RANBP2: variants seen among roughly 807,000 people sequenced by gnomAD.
RANBP2 encodes the protein E3 SUMO-protein ligase RanBP2.
In RANBP2, 57 loss-of-function variants were observed where a neutral mutation model predicts 303.6. The ratio of observed to expected loss-of-function variants is 0.19; its 90% CI spans 0.15 to 0.23. The LOEUF (loss-of-function observed/expected upper bound fraction) is 0.23. RANBP2 is among the 10% of genes least tolerant of loss of function. RANBP2 has a pLI of 1.00. For synonymous variants in RANBP2, 1,167 were observed against 1,301.5 expected (o/e 0.90, Z 2.23); for missense variants, 3,138 against 3,780.8 (o/e 0.83, Z 4.46).
chr2:109,497,895 C>T, the RANBP2 span, among the ~76,000 whole-genome samples: 1 of 152,244 alleles, frequency 6.6e-6, no homozygotes, highest in Non-Finnish European at 1.5e-5. Context: ...TCATCTCGCC[C>T]TTTGCCTTCC....
chr2:109,590,052 G>T, the RANBP2 span, among the ~76,000 whole-genome samples: 3 of 146,354 alleles, frequency 2.0e-5, 1 homozygote, highest in South Asian at 7.1e-4. Flanking sequence ...ATATATATGT[G>T]TGTGTATATA....
chr2:108,948,630 A>G, the RANBP2 span, among the ~76,000 whole-genome samples: 6 of 152,166 alleles, frequency 3.9e-5, no homozygotes, highest in African/African-American at 1.4e-4. Flanking sequence ...AGAGAGAGAG[A>G]GTGAAGTGGG....
chr2:109,459,672 A>G, the RANBP2 span, among the ~76,000 whole-genome samples: 1 of 152,080 alleles, frequency 6.6e-6, no homozygotes, highest in East Asian at 1.9e-4. Context: ...CTTTGATTCT[A>G]AGCCACAAGG....
chr2:109,522,205 A>C, the RANBP2 span, among the ~76,000 whole-genome samples: 293 of 152,150 alleles, frequency 1.9e-3, 3 homozygotes, highest in Middle Eastern at 0.01. Context: ...GATCTGTGTC[A>C]ATCCTAGCTG....
At chr2:109,255,533 T>A in the RANBP2 span, among the ~76,000 whole-genome samples, 5 of 152,188 alleles carry the variant, frequency 3.3e-5, no homozygotes, top group Admixed American at 3.3e-4. Context: ...AATAACCCCA[T>A]CAAAATCATC....
the RANBP2 span, among the ~76,000 whole-genome samples, chr2:109,294,801 G>A: frequency 1.3e-5 from 2 of 152,260 alleles, no homozygotes; most frequent in East Asian, 3.9e-4. Flanking sequence ...AGGAGGTACC[G>A]ACTCAGCCCA....
intron 3 of RANBP2, 118 bp downstream of exon 3, chr2:108,731,003 A>G (rs530140862): frequency 2.2e-4 from 283 of 1,282,072 alleles, no homozygotes; most frequent in Non-Finnish European, 2.9e-4. Flanking sequence ...TTGGTATCAT[A>G]GTACAGTTAC....
the RANBP2 span, among the ~76,000 whole-genome samples, chr2:109,436,354 T>G: frequency 6.6e-6 from 1 of 152,132 alleles, no homozygotes; most frequent in Non-Finnish European, 1.5e-5. Flanking sequence ...ATCTGGAAAC[T>G]TCGGAGTGAA....
chr2:109,035,043 G>A, the RANBP2 span, among the ~76,000 whole-genome samples: 2 of 152,182 alleles, frequency 1.3e-5, no homozygotes, highest in African/African-American at 2.4e-5. Context: ...GCTATCCCTG[G>A]TTTGTGAGGA....
At chr2:109,063,416 CT>C in the RANBP2 span, among the ~76,000 whole-genome samples, 1 of 152,212 alleles carries the variant, frequency 6.6e-6, no homozygotes, top group African/African-American at 2.4e-5. Flanking sequence ...CAGCGCCTGG[CT>C]TTGCTGTGGC....
chr2:108,751,332 C>T lies in RANBP2; in HGVS notation c.1342C>T (p.Pro448Ser), dbSNP rs1159107373. ...GCTTGGCTTACAGTGGAATTCATTG[C>T]CTGCTTTACCTGGAATCCGAAAATG... ...TWLGLQWNSLPALPGIRKWLK... is the reference protein window; with the variant it reads ...TWLGLQWNSLSALPGIRKWLK... The change falls in exon 10 of 29, where the codon CCT (proline) becomes TCT (serine). Residue 448 changes from proline to serine, a missense_variant. Transcript: ENST00000283195. The T allele has an allele frequency of 3.1e-6, 5 of 1,611,916 alleles. No homozygotes were observed. The South Asian group carries it at 5.5e-5, about 18-fold the overall frequency.
the RANBP2 span, among the ~76,000 whole-genome samples, chr2:109,265,047 G>A: frequency 6.6e-5 from 10 of 152,338 alleles, no homozygotes; most frequent in African/African-American, 1.4e-4. Context: ...CTTGTGGACC[G>A]CAGTCTAATT....
the RANBP2 span, among the ~76,000 whole-genome samples, chr2:109,496,227 T>C: frequency 6.6e-6 from 1 of 152,218 alleles, no homozygotes; most frequent in Non-Finnish European, 1.5e-5. Flanking sequence ...GAGTGCTGAT[T>C]GGCGCGTTTT....
intron 17 of RANBP2, among the ~76,000 whole-genome samples, chr2:108,755,842 G>C (rs1272847778): frequency 6.6e-6 from 1 of 151,834 alleles, no homozygotes; most frequent in Non-Finnish European, 1.5e-5. Flanking sequence ...TCCTGCCTCA[G>C]CCTCCTGAGT....
chr2:109,342,582 C>T, the RANBP2 span, among the ~76,000 whole-genome samples: 1 of 152,010 alleles, frequency 6.6e-6, no homozygotes, highest in Non-Finnish European at 1.5e-5. Context: ...CCCCAGCTTG[C>T]TGGGAGGTCT....
At chr2:109,693,437 G>A in the RANBP2 span, among the ~76,000 whole-genome samples, 1 of 152,172 alleles carries the variant, frequency 6.6e-6, no homozygotes, top group Non-Finnish European at 1.5e-5. Flanking sequence ...GGTATTACAG[G>A]TGTGAGCCAC....
At chr2:108,897,117 C>A in the RANBP2 span, 1 of 1,614,076 alleles carries the variant, frequency 6.2e-7, no homozygotes, top group Admixed American at 1.7e-5. Context: ...GGCCGAAGCT[C>A]TCGGCGAGGT....
the RANBP2 span, among the ~76,000 whole-genome samples, chr2:109,375,284 C>T: frequency 2.6e-5 from 4 of 152,232 alleles, no homozygotes; most frequent in Admixed American, 1.3e-4. Flanking sequence ...TTGTCCTTTT[C>T]GCCCATCGTT....
chr2:109,553,150 C>T, the RANBP2 span: 6 of 1,613,950 alleles, frequency 3.7e-6, no homozygotes, highest in African/African-American at 4.0e-5. Flanking sequence ...ACATCTGTTT[C>T]ATTTCTTCTT....
Sources: gnomAD v4.1 joint callset for allele counts (sites outside exome capture counted in the v4.1 genomes callset) on GRCh38, gnomAD v4.1.1 for gene constraint, MANE v1.5 for transcripts, NCBI Gene and HGNC (gene_info 2026-07-23, HGNC 2026-07-21) for gene names.